Variants in TNS3 observed in about 807,000 individuals in gnomAD.
TNS3 encodes the protein tensin 3.
In TNS3, 45 loss-of-function variants were observed where a neutral mutation model predicts 140.9. That is an observed-to-expected ratio of 0.32 (90% CI 0.25 to 0.41). TNS3 has a LOEUF of 0.41. Ranked by LOEUF, TNS3 falls within the 10% of genes least tolerant of loss-of-function variation. TNS3 has a pLI of 1.00. For missense variants in TNS3, 1,716 were observed against 1,906.7 expected (o/e 0.90, Z 1.86); for synonymous variants, 815 against 788.4 (o/e 1.03, Z -0.56).
intron 1 of TNS3, among the ~76,000 whole-genome samples, chr7:47,530,237 T>C (rs867307682): frequency 1.3e-5 from 2 of 152,268 alleles, no homozygotes; most frequent in Middle Eastern, 6.8e-3. Context: ...AAGAATACAG[T>C]GCAAGATACA....
chr7:47,507,829 C>T (rs1056775258), intron 2 of TNS3, among the ~76,000 whole-genome samples: 2 of 152,188 alleles, frequency 1.3e-5, no homozygotes, highest in Non-Finnish European at 2.9e-5. Flanking sequence ...CTCCCTTCCC[C>T]CACGTTTGCC....
At chr7:47,533,451 A>G (rs1187396035) in intron 1 of TNS3, among the ~76,000 whole-genome samples, 1 of 150,526 alleles carries the variant, frequency 6.6e-6, no homozygotes, top group Non-Finnish European at 1.5e-5. Flanking sequence ...TTAAAAGACA[A>G]AGGCTAGAAA....
chr7:47,382,409 C>T (rs940287425), intron 16 of TNS3, among the ~76,000 whole-genome samples: 11 of 152,158 alleles, frequency 7.2e-5, no homozygotes, highest in African/African-American at 1.4e-4. Flanking sequence ...AGGCTCAGAA[C>T]GCTCTCATTT....
At chr7:47,436,959 G>C (rs767662772) in intron 7 of TNS3, among the ~76,000 whole-genome samples, 9 of 152,104 alleles carry the variant, frequency 5.9e-5, no homozygotes, top group Non-Finnish European at 4.4e-5. Context: ...ATGTGAGTGA[G>C]GTCCGTGGAC....
chr7:47,305,040 T>C, intron 20 of TNS3, 37 bp from the exon 21 acceptor site: 1 of 1,323,990 alleles, frequency 7.6e-7, no homozygotes, highest in Non-Finnish European at 9.7e-7. Flanking sequence ...AGACCTCGGT[T>C]GTAGGACTGG....
chr7:47,473,817 T>G (rs1161638232), intron 4 of TNS3, among the ~76,000 whole-genome samples: 2 of 152,238 alleles, frequency 1.3e-5, no homozygotes, highest in East Asian at 1.9e-4. Context: ...GTGGAAAGTG[T>G]GGGTGTTTTG....
chr7:47,357,262 C>T lies in TNS3; in HGVS notation c.2282-10906G>A, dbSNP rs148686964. On this transcript the variant is annotated intron_variant, in intron 17 of 30. Coordinates refer to ENST00000311160, the MANE Select transcript of TNS3 (RefSeq NM_022748.12). ...GATGTGATCTTCTAGGAATAAAGCG[C>T]GACATCACACAGGTGTGCCTGATAG... Among the ~76,000 whole-genome samples, 505 of 152,262 alleles carry T rather than the reference C, an allele frequency of 3.3e-3. 6 individuals are homozygous for T. Among genetic ancestry groups the T allele is most frequent in the African/African-American group, 0.011 (461 of 41,540 alleles).
intron 17 of TNS3, among the ~76,000 whole-genome samples, chr7:47,360,275 T>C (rs1790238403): frequency 6.6e-6 from 1 of 151,880 alleles, no homozygotes; most frequent in Non-Finnish European, 1.5e-5. Flanking sequence ...AGCATCGGGG[T>C]CTGAAGGTGG....
At chr7:47,448,538 G>A (rs1335538837) in intron 4 of TNS3, among the ~76,000 whole-genome samples, 2 of 149,388 alleles carry the variant, frequency 1.3e-5, no homozygotes, top group African/African-American at 5.0e-5. Context: ...GGAATGGAGT[G>A]GCACGATCTC....
intron 4 of TNS3, among the ~76,000 whole-genome samples, chr7:47,451,647 C>G (rs141138354): frequency 2.0e-5 from 3 of 152,212 alleles, no homozygotes; most frequent in African/African-American, 7.2e-5. Context: ...GGACTATGAA[C>G]AGCCCGGTGA....
intron 13 of TNS3, among the ~76,000 whole-genome samples, chr7:47,410,607 C>A (rs897979741): frequency 1.3e-5 from 2 of 152,136 alleles, no homozygotes; most frequent in African/African-American, 4.8e-5. Context: ...GAATTCAGGA[C>A]CAGCAAGGTA....
intron 2 of TNS3, 93 bp downstream of exon 2, chr7:47,528,943 A>T: frequency 4.2e-6 from 3 of 710,984 alleles, no homozygotes; most frequent in Non-Finnish European, 5.9e-6. Flanking sequence ...CCATGATTTA[A>T]CTTTCGGAAA....
chr7:47,575,344 A>T (rs1257647272), intron 1 of TNS3, among the ~76,000 whole-genome samples: 1 of 152,232 alleles, frequency 6.6e-6, no homozygotes, highest in East Asian at 1.9e-4. Context: ...TTGGTAAATT[A>T]AAAAAGCACA....
At chr7:47,526,074 G>A (rs781338259) in intron 2 of TNS3, among the ~76,000 whole-genome samples, 4 of 152,350 alleles carry the variant, frequency 2.6e-5, no homozygotes, top group African/African-American at 7.2e-5. Flanking sequence ...GCGTTTCACA[G>A]CTGGAGGCCG....
intron 1 of TNS3, among the ~76,000 whole-genome samples, chr7:47,545,299 C>T (rs1799891910): frequency 6.6e-6 from 1 of 152,010 alleles, no homozygotes; most frequent in South Asian, 2.1e-4. Flanking sequence ...ACCACCATGC[C>T]CAGCTAATTT....
chr7:47,552,123 A>G (rs904451219), intron 1 of TNS3, among the ~76,000 whole-genome samples: 1 of 151,624 alleles, frequency 6.6e-6, no homozygotes, highest in Non-Finnish European at 1.5e-5. Flanking sequence ...TTTTTTTTTC[A>G]TTATTTTTCT....
At chr7:47,301,787 G>A (rs1786415569) in intron 23 of TNS3, among the ~76,000 whole-genome samples, 1 of 152,168 alleles carries the variant, frequency 6.6e-6, no homozygotes, top group Non-Finnish European at 1.5e-5. Flanking sequence ...CTTCTCAGAG[G>A]AGGGTGTCTC....
intron 1 of TNS3, among the ~76,000 whole-genome samples, chr7:47,533,552 T>G (rs1799493926): frequency 6.6e-6 from 1 of 151,688 alleles, no homozygotes; most frequent in African/African-American, 2.4e-5. Flanking sequence ...TTACCAAGGA[T>G]ATAGAAAGTC....
At chr7:47,328,973 G>A (rs1788182205) in intron 20 of TNS3, among the ~76,000 whole-genome samples, 1 of 152,022 alleles carries the variant, frequency 6.6e-6, no homozygotes, top group South Asian at 2.1e-4. Context: ...TCATCTAAAA[G>A]GCCAAACTCC....
Sources: gnomAD v4.1 joint callset for allele counts (sites outside exome capture counted in the v4.1 genomes callset) on GRCh38, gnomAD v4.1.1 for gene constraint, MANE v1.5 for transcripts, NCBI Gene and HGNC (gene_info 2026-07-23, HGNC 2026-07-21) for gene names.